Variants in PTCHD4 observed in about 807,000 individuals in gnomAD.
The protein encoded by PTCHD4 is patched domain containing 4, also known as patched domain-containing protein 4.
A neutral mutation model predicts 58.1 loss-of-function variants in PTCHD4; 33 were observed. The ratio of observed to expected loss-of-function variants is 0.57; its 90% CI spans 0.43 to 0.76. The LOEUF (loss-of-function observed/expected upper bound fraction) is 0.76. Among genes scored for constraint, PTCHD4 ranks in the 30% least tolerant of loss-of-function variants. The pLI is 0.00. For synonymous variants in PTCHD4, 478 were observed against 409.6 expected (o/e 1.17, Z -2.02); for missense variants, 1,058 against 1,027.1 (o/e 1.03, Z -0.41).
chr6:47,996,083 A>AT (rs1359993160), intron 4 of PTCHD4, among the ~76,000 whole-genome samples: 1 of 152,064 alleles, frequency 6.6e-6, no homozygotes, highest in African/African-American at 2.4e-5. Context: ...ACTTTTATAT[A>AT]TTTTTTTCGT....
chr6:48,008,590 C>T (rs1445424758), intron 4 of PTCHD4, 44 bp downstream of exon 4: 2 of 1,582,816 alleles, frequency 1.3e-6, no homozygotes, highest in Admixed American at 3.5e-5. Flanking sequence ...ACTACCTTGC[C>T]CCAAACCGGT....
intron 3 of PTCHD4, among the ~76,000 whole-genome samples, chr6:48,054,333 A>G (rs1764336829): frequency 6.6e-6 from 1 of 152,102 alleles, no homozygotes; most frequent in South Asian, 2.1e-4. Context: ...CCTATAAATA[A>G]CTCAGGTCCT....
chr6:47,951,778 C>T (rs958951150), intron 4 of PTCHD4, among the ~76,000 whole-genome samples: 1 of 151,584 alleles, frequency 6.6e-6, no homozygotes, highest in South Asian at 2.1e-4. Context: ...CAAAGACAAT[C>T]TGCACAAAAT....
At chr6:48,057,408 A>C (rs1764451571) in intron 3 of PTCHD4, among the ~76,000 whole-genome samples, 1 of 152,166 alleles carries the variant, frequency 6.6e-6, no homozygotes, top group Non-Finnish European at 1.5e-5. Flanking sequence ...CCTCCCAGGC[A>C]AATTAATTTA....
intron 4 of PTCHD4, among the ~76,000 whole-genome samples, chr6:47,971,662 A>C (rs1767517290): frequency 6.6e-6 from 1 of 152,234 alleles, no homozygotes; most frequent in Non-Finnish European, 1.5e-5. Flanking sequence ...TTTCAGATGC[A>C]TGGATCTTAA....
chr6:47,862,785 T>C lies in PTCHD4; in HGVS notation c.*15518A>G, dbSNP rs1376406182. Among the ~76,000 whole-genome samples the C allele has an allele frequency of 6.6e-6, 1 of 151,880 alleles. No homozygotes were observed. The highest frequency in any genetic ancestry group is 1.5e-5 in the Non-Finnish European group (1 of 67,844). On this transcript the variant is annotated 3_prime_UTR_variant, in exon 5 of 5. Transcript: ENST00000339488. ...ACAGACCCATTAATACTGTTTCCTT[T>C]GGAATTGTAATACTCATCTGCTCTT...
At chr6:48,016,015 G>C (rs929120377) in intron 3 of PTCHD4, among the ~76,000 whole-genome samples, 2 of 150,754 alleles carry the variant, frequency 1.3e-5, no homozygotes, top group East Asian at 3.9e-4. Flanking sequence ...GTAGAAATTT[G>C]AGGCTGATAC....
At chr6:47,982,145 C>T (rs1325712) in intron 4 of PTCHD4, among the ~76,000 whole-genome samples, 147,678 of 152,288 alleles carry the variant, frequency 0.97, 71,613 homozygotes, top group East Asian at 1. Context: ...TAGTCCAGTA[C>T]AGTAGGTATT....
intron 3 of PTCHD4, among the ~76,000 whole-genome samples, chr6:48,058,806 G>A (rs990429860): frequency 4.6e-5 from 7 of 152,158 alleles, no homozygotes; most frequent in Non-Finnish European, 8.8e-5. Context: ...AGCAAAGAGA[G>A]GTCACATTCC....
chr6:47,878,045 C>T lies in PTCHD4; in HGVS notation c.*258G>A, dbSNP rs1763893797. ...TATCTTAACACTCCATTGATTCATC[C>T]ATTCCTTGGAAGAGCTCTCAGATTA... On this transcript the variant is annotated 3_prime_UTR_variant, in exon 5 of 5. Coordinates refer to ENST00000339488, the MANE Select transcript of PTCHD4 (RefSeq NM_001384253.1). 3.0e-6 allele frequency: 1 copy of T among 338,848 alleles called. No individual in the cohort carries two copies. The allele number at this position is 338,848 out of a possible 1,614,324, so 21.0% of individuals were successfully genotyped here.
At chr6:48,075,851 C>T (rs1414519000) in intron 1 of PTCHD4, among the ~76,000 whole-genome samples, 1 of 152,212 alleles carries the variant, frequency 6.6e-6, no homozygotes, top group African/African-American at 2.4e-5. Context: ...TTGATGGCAG[C>T]TGACTGCTCA....
intron 4 of PTCHD4, among the ~76,000 whole-genome samples, chr6:47,974,473 T>C (rs1454573885): frequency 6.6e-6 from 1 of 152,206 alleles, no homozygotes; most frequent in Non-Finnish European, 1.5e-5. Flanking sequence ...CCATGATTTC[T>C]CAACCTTAAC....
At chr6:48,038,982 C>T (rs1763746095) in intron 3 of PTCHD4, among the ~76,000 whole-genome samples, 2 of 152,094 alleles carry the variant, frequency 1.3e-5, no homozygotes, top group Non-Finnish European at 2.9e-5. Context: ...TTTGAGAAAC[C>T]TTTGGAATTA....
At chr6:48,039,805 T>C (rs1352918656) in intron 3 of PTCHD4, among the ~76,000 whole-genome samples, 1 of 152,164 alleles carries the variant, frequency 6.6e-6, no homozygotes, top group Admixed American at 6.6e-5. Context: ...TGTTCATTGC[T>C]TCCATGAACA....
At chr6:47,951,040 A>G (rs528722256) in intron 4 of PTCHD4, among the ~76,000 whole-genome samples, 1 of 152,204 alleles carries the variant, frequency 6.6e-6, no homozygotes, top group Non-Finnish European at 1.5e-5. Flanking sequence ...GAAAAAAATC[A>G]AGGATTTTGC....
At chr6:48,037,479 T>A (rs1286562395) in intron 3 of PTCHD4, among the ~76,000 whole-genome samples, 2 of 152,126 alleles carry the variant, frequency 1.3e-5, no homozygotes, top group Non-Finnish European at 2.9e-5. Context: ...AAGCCAAGGT[T>A]CCCTTTTATT....
chr6:47,985,558 G>GA, intron 4 of PTCHD4, among the ~76,000 whole-genome samples: 1 of 151,962 alleles, frequency 6.6e-6, no homozygotes, highest in South Asian at 2.1e-4. Context: ...TCCTGTTTTA[G>GA]AAAAAAACTC....
At position 47,858,661 on chromosome 6, in the gene PTCHD4, C is replaced by A. The variant is rs1210677863; in HGVS notation, c.*19642G>T. 6.6e-6 allele frequency among the ~76,000 whole-genome samples: 1 copy of A among 151,940 alleles called. No homozygotes were observed. Among genetic ancestry groups the A allele is most frequent in the East Asian group, 1.9e-4 (1 of 5,172 alleles). ...AACAAAGAGCAATAAGAAATCTGAA[C>A]ACAAGTAACAAGGCTACACTGCACT... On this transcript the variant is annotated 3_prime_UTR_variant, in exon 5 of 5. Transcript: ENST00000339488.
At chr6:47,935,523 G>T (rs1765968450) in intron 4 of PTCHD4, among the ~76,000 whole-genome samples, 1 of 152,086 alleles carries the variant, frequency 6.6e-6, no homozygotes, top group Non-Finnish European at 1.5e-5. Context: ...ATACCAAACA[G>T]CATCAAGGGA....
Sources: allele counts gnomAD v4.1 joint callset (sites outside exome capture counted in the v4.1 genomes callset), GRCh38; gene constraint gnomAD v4.1.1; transcripts MANE v1.5; gene names NCBI Gene and HGNC (gene_info 2026-07-23, HGNC 2026-07-21).